The following AGBL4 variants were observed in gnomAD, a reference collection of about 807,000 sequenced individuals.
AGBL4 encodes cytosolic carboxypeptidase 6.
In AGBL4, 58 loss-of-function variants were observed where a neutral mutation model predicts 66.4. The observed-to-expected ratio is 0.87, with a 90% CI of 0.71 to 1.09. AGBL4 has a LOEUF of 1.09. AGBL4 is among the 50% of genes least tolerant of loss of function. AGBL4 has a pLI of 0.00. For missense variants in AGBL4, 579 were observed against 631.0 expected (o/e 0.92, Z 0.88); for synonymous variants, 234 against 222.9 (o/e 1.05, Z -0.44).
At chr1:49,741,357 G>C (rs1434157204) in intron 2 of AGBL4, among the ~76,000 whole-genome samples, 1 of 152,108 alleles carries the variant, frequency 6.6e-6, no homozygotes, top group Non-Finnish European at 1.5e-5. Flanking sequence ...CCATGAAGAA[G>C]TTGAATCTCT....
At chr1:49,981,702 C>T (rs201389018) in intron 1 of AGBL4, among the ~76,000 whole-genome samples, 1 of 152,100 alleles carries the variant, frequency 6.6e-6, no homozygotes, top group African/African-American at 2.4e-5. Flanking sequence ...AGATAATAAT[C>T]GCATTAACTT....
intron 9 of AGBL4, among the ~76,000 whole-genome samples, chr1:48,602,761 G>A (rs1348374959): frequency 6.6e-6 from 1 of 152,124 alleles, no homozygotes; most frequent in Non-Finnish European, 1.5e-5. Context: ...CAGGCACTTG[G>A]CATCTCTCCC....
intron 2 of AGBL4, among the ~76,000 whole-genome samples, chr1:49,833,039 T>C (rs1181508884): frequency 6.6e-6 from 1 of 152,024 alleles, no homozygotes; most frequent in East Asian, 1.9e-4. Flanking sequence ...TGCCATTGCT[T>C]TTGGTGTTTT....
At chr1:48,969,179 A>G (rs1423508737) in intron 5 of AGBL4, among the ~76,000 whole-genome samples, 1 of 144,664 alleles carries the variant, frequency 6.9e-6, no homozygotes, top group Admixed American at 7.3e-5. Context: ...AACTTTCCAT[A>G]TGTTTGGTCT....
intron 3 of AGBL4, among the ~76,000 whole-genome samples, chr1:49,655,239 T>C (rs1212258864): frequency 6.6e-6 from 1 of 152,210 alleles, no homozygotes; most frequent in Non-Finnish European, 1.5e-5. Context: ...GAAAATTTTT[T>C]TCTTTAAGAA....
At chr1:48,672,714 C>A (rs1646296602) in intron 6 of AGBL4, among the ~76,000 whole-genome samples, 1 of 152,190 alleles carries the variant, frequency 6.6e-6, no homozygotes, top group African/African-American at 2.4e-5. Flanking sequence ...GCCCAGACAT[C>A]ACAGAGTAGA....
intron 4 of AGBL4, among the ~76,000 whole-genome samples, chr1:49,148,078 C>T (rs1272087994): frequency 6.6e-6 from 1 of 152,170 alleles, no homozygotes; most frequent in Non-Finnish European, 1.5e-5. Flanking sequence ...GGTAAATCAC[C>T]TCACTTCTCT....
At chr1:48,550,437 T>C (rs1246868660) in intron 11 of AGBL4, among the ~76,000 whole-genome samples, 1 of 152,118 alleles carries the variant, frequency 6.6e-6, no homozygotes, top group Non-Finnish European at 1.5e-5. Flanking sequence ...CCCTCTTCAG[T>C]GTATGTCAGA....
intron 3 of AGBL4, among the ~76,000 whole-genome samples, chr1:49,534,752 A>G (rs1227012631): frequency 6.6e-6 from 1 of 152,234 alleles, no homozygotes; most frequent in South Asian, 2.1e-4. Context: ...AAGAATCTCC[A>G]TCTAATCTGG....
chr1:49,140,626 G>C (rs1267243835), intron 4 of AGBL4, among the ~76,000 whole-genome samples: 2 of 152,182 alleles, frequency 1.3e-5, no homozygotes, highest in Admixed American at 6.5e-5. Flanking sequence ...GAGGAACCAG[G>C]CCAGTTGACA....
chr1:49,117,489 C>T (rs538047635), intron 4 of AGBL4, among the ~76,000 whole-genome samples: 6 of 151,952 alleles, frequency 3.9e-5, no homozygotes, highest in Non-Finnish European at 8.8e-5. Context: ...CCTTTCCCCA[C>T]TGCTTGTTTT....
At chr1:49,428,915 G>T (rs1205136146) in intron 3 of AGBL4, among the ~76,000 whole-genome samples, 2 of 152,206 alleles carry the variant, frequency 1.3e-5, no homozygotes, top group African/African-American at 4.8e-5. Context: ...TTTACAGGGA[G>T]TTTATTTTTT....
At chr1:49,192,000 G>A (rs1284466713) in intron 4 of AGBL4, among the ~76,000 whole-genome samples, 1 of 152,124 alleles carries the variant, frequency 6.6e-6, no homozygotes, top group African/African-American at 2.4e-5. Context: ...GCTGGGTTGA[G>A]TGGTAGATCT....
intron 5 of AGBL4, among the ~76,000 whole-genome samples, chr1:48,925,848 T>C (rs1654510939): frequency 6.6e-6 from 1 of 152,212 alleles, no homozygotes; most frequent in African/African-American, 2.4e-5. Flanking sequence ...TGTTATCCAC[T>C]GGGCAGCTGT....
intron 3 of AGBL4, among the ~76,000 whole-genome samples, chr1:49,407,646 A>G (rs1433211435): frequency 2.6e-5 from 4 of 152,248 alleles, no homozygotes; most frequent in Non-Finnish European, 5.9e-5. Context: ...CACAAAGGAA[A>G]CAAATGATCT....
chr1:49,723,559 C>G (rs930922079), intron 2 of AGBL4, among the ~76,000 whole-genome samples: 4 of 152,230 alleles, frequency 2.6e-5, no homozygotes, highest in South Asian at 4.2e-4. Context: ...TGGCACATTT[C>G]CTCAAGCTAT....
chr1:48,761,376 T>G lies in AGBL4; in HGVS notation c.635-98135A>C. 6 of 1,552,050 alleles carry G rather than the reference T, an allele frequency of 3.9e-6. No individual in the cohort carries two copies. The highest frequency in any genetic ancestry group is 5.2e-6 in the Non-Finnish European group (6 of 1,147,048). On this transcript the variant is annotated intron_variant, in intron 6 of 13. Coordinates refer to ENST00000371839, the MANE Select transcript of AGBL4 (RefSeq NM_032785.4). ...GCTGTAAATCTTCTTCCCCATAATCTTTAACCTCTCCATCTTCTTCTACAT... is the reference window on the plus strand; with the variant it reads ...GCTGTAAATCTTCTTCCCCATAATCGTTAACCTCTCCATCTTCTTCTACAT...
chr1:49,329,542 T>C (rs1034463268), intron 3 of AGBL4, among the ~76,000 whole-genome samples: 1 of 151,958 alleles, frequency 6.6e-6, no homozygotes, highest in African/African-American at 2.4e-5. Flanking sequence ...GGTACACACC[T>C]GTGGTCCCAG....
At chr1:48,994,280 G>A (rs887100170) in intron 5 of AGBL4, among the ~76,000 whole-genome samples, 8 of 152,074 alleles carry the variant, frequency 5.3e-5, no homozygotes, top group Non-Finnish European at 1.2e-4. Flanking sequence ...AAGATTCCTA[G>A]TCATCCTTCA....
Sources: gnomAD v4.1 joint callset for allele counts (sites outside exome capture counted in the v4.1 genomes callset) on GRCh38, gnomAD v4.1.1 for gene constraint, MANE v1.5 for transcripts, NCBI Gene and HGNC (gene_info 2026-07-23, HGNC 2026-07-21) for gene names.